The following ANKS1B variants were observed in gnomAD, a reference collection of about 807,000 sequenced individuals.
The protein encoded by ANKS1B is ankyrin repeat and sterile alpha motif domain-containing protein 1B.
A neutral mutation model predicts 148.3 loss-of-function variants in ANKS1B; 36 were observed. That is an observed-to-expected ratio of 0.24 (90% CI 0.19 to 0.32). ANKS1B has a LOEUF of 0.32. ANKS1B is among the 10% of genes least tolerant of loss of function. The probability of loss-of-function intolerance (pLI) is 1.00; values close to 1 mark genes in which losing one functional copy is unlikely to be tolerated. For synonymous variants in ANKS1B, 542 were observed against 560.8 expected, an observed-to-expected ratio of 0.97 and a Z score of 0.47; for missense variants, 1,157 against 1,542.6, an observed-to-expected ratio of 0.75 and a Z score of 4.19.
intron 15 of ANKS1B, chr12:99,097,029 A>T (rs1013460719): frequency 2.0e-5 from 3 of 152,198 alleles, no homozygotes; most frequent in Non-Finnish European, 4.4e-5. Flanking sequence ...ACTTCTTGGG[A>T]GAAAGGATCA....
chr12:99,203,265 T>C (rs1326165440), intron 14 of ANKS1B, among the ~76,000 whole-genome samples: 1 of 152,152 alleles, frequency 6.6e-6, no homozygotes, highest in Non-Finnish European at 1.5e-5. Flanking sequence ...TTGCGTTGCA[T>C]GGTTCCAACA....
chr12:99,347,476 T>A (rs984877364), intron 12 of ANKS1B, among the ~76,000 whole-genome samples: 3 of 151,830 alleles, frequency 2.0e-5, no homozygotes, highest in African/African-American at 7.3e-5. Context: ...GAAGGCAGAG[T>A]TGTAAACTGC....
At chr12:98,960,303 C>A (rs900535437) in intron 17 of ANKS1B, among the ~76,000 whole-genome samples, 3 of 151,766 alleles carry the variant, frequency 2.0e-5, no homozygotes, top group Non-Finnish European at 4.4e-5. Context: ...GAGAGAGATG[C>A]CATTTGTTTG....
intron 16 of ANKS1B, among the ~76,000 whole-genome samples, chr12:99,070,253 T>C (rs1599396723): frequency 6.6e-6 from 1 of 151,998 alleles, no homozygotes; most frequent in East Asian, 1.9e-4. Context: ...AAAGGATAGG[T>C]GGAAGGACTA....
chr12:99,231,876 A>G (rs1208343272), intron 14 of ANKS1B, among the ~76,000 whole-genome samples: 1 of 152,080 alleles, frequency 6.6e-6, no homozygotes, highest in South Asian at 2.1e-4. Context: ...GGAGAAAGGG[A>G]CATATTTAGG....
chr12:99,081,430 G>A (rs940808670), intron 16 of ANKS1B, among the ~76,000 whole-genome samples: 4 of 152,236 alleles, frequency 2.6e-5, no homozygotes, highest in East Asian at 1.9e-4. Flanking sequence ...CATTTTGTCC[G>A]TTTTCTGGCA....
At chr12:99,430,193 A>G (rs1439176176) in intron 11 of ANKS1B, among the ~76,000 whole-genome samples, 1 of 152,196 alleles carries the variant, frequency 6.6e-6, no homozygotes, top group African/African-American at 2.4e-5. Context: ...TAGAAGATAA[A>G]TTAGAAGTAG....
chr12:98,999,132 A>C (rs2153354587), intron 17 of ANKS1B, among the ~76,000 whole-genome samples: 1 of 152,336 alleles, frequency 6.6e-6, no homozygotes, highest in Non-Finnish European at 1.5e-5. Context: ...AGAGTTAAAC[A>C]TTTGGCTGCT....
chr12:99,882,258 C>T (rs34150758), intron 1 of ANKS1B, among the ~76,000 whole-genome samples: 25,792 of 152,058 alleles, frequency 0.17, 2,731 homozygotes, highest in Non-Finnish European at 0.24. Context: ...TAAATAAGAG[C>T]CTCAGGACCT....
intron 8 of ANKS1B, among the ~76,000 whole-genome samples, chr12:99,730,448 C>T (rs184821437): frequency 9.9e-5 from 15 of 152,264 alleles, no homozygotes; most frequent in Non-Finnish European, 2.1e-4. Context: ...TAGCCTCCAA[C>T]TTTTTTGGCT....
chr12:99,393,737 T>C (rs1014777923), intron 12 of ANKS1B, among the ~76,000 whole-genome samples: 1 of 152,192 alleles, frequency 6.6e-6, no homozygotes, highest in Non-Finnish European at 1.5e-5. Flanking sequence ...TCTTCTTTAA[T>C]ACCTTGACTC....
chr12:99,267,737 C>T (rs759207251), intron 12 of ANKS1B, among the ~76,000 whole-genome samples: 10 of 152,146 alleles, frequency 6.6e-5, no homozygotes, highest in Non-Finnish European at 1.2e-4. Flanking sequence ...TTGTGAGCTT[C>T]AGAGGAAGAC....
intron 24 of ANKS1B, 62 bp downstream of exon 24, chr12:98,781,055 T>G: frequency 1.9e-6 from 2 of 1,071,682 alleles, no homozygotes; most frequent in African/African-American, 1.6e-5. Flanking sequence ...AAGCAAAGGA[T>G]TTTAGATCAT....
chr12:99,328,508 A>G (rs531974995), intron 12 of ANKS1B, among the ~76,000 whole-genome samples: 1 of 152,122 alleles, frequency 6.6e-6, no homozygotes, highest in Admixed American at 6.6e-5. Context: ...TGGAGTACAC[A>G]GAAGGTTCTT....
rs146444288 is a variant in ANKS1B at position 99,845,690 on chromosome 12, G to T, written c.135-20301C>A. On this transcript the variant is annotated intron_variant, in intron 1 of 26. Coordinates refer to ENST00000683438, the MANE Select transcript of ANKS1B (RefSeq NM_001352186.2). Reference sequence around the variant, plus strand: ...TATTGGCCTGAAGTTTTCTTTTTTTGTTGTATCTCTGCCAGGTTTTGGTAT... The same window carrying T: ...TATTGGCCTGAAGTTTTCTTTTTTTTTTGTATCTCTGCCAGGTTTTGGTAT... Among the ~76,000 whole-genome samples, 251 of 152,114 alleles carry T rather than the reference G, an allele frequency of 1.7e-3. 8 individuals are homozygous for T. The East Asian group carries it at 0.042, about 25-fold the overall frequency.
chr12:98,798,496 A>AT (rs1201166856), intron 22 of ANKS1B, among the ~76,000 whole-genome samples: 9 of 152,080 alleles, frequency 5.9e-5, no homozygotes, highest in Admixed American at 1.3e-4. Flanking sequence ...AAAAATAAAA[A>AT]AAAAAAACTG....
chr12:98,824,662 C>T (rs765725431), intron 19 of ANKS1B, among the ~76,000 whole-genome samples: 2 of 152,130 alleles, frequency 1.3e-5, no homozygotes, highest in African/African-American at 4.8e-5. Flanking sequence ...GAATTCCAAC[C>T]GAAGAAGCCA....
chr12:99,374,845 T>A (rs2093322719), intron 12 of ANKS1B, among the ~76,000 whole-genome samples: 1 of 152,232 alleles, frequency 6.6e-6, no homozygotes, highest in Non-Finnish European at 1.5e-5. Flanking sequence ...TATTTTATTT[T>A]TTTACCTAAG....
chr12:99,047,666 G>A (rs1178305234), intron 17 of ANKS1B, among the ~76,000 whole-genome samples: 1 of 152,156 alleles, frequency 6.6e-6, no homozygotes, highest in Non-Finnish European at 1.5e-5. Flanking sequence ...GCAGAAGAGA[G>A]GCTGGTGGAG....
Sources: gnomAD v4.1 joint callset for allele counts (sites outside exome capture counted in the v4.1 genomes callset) on GRCh38, gnomAD v4.1.1 for gene constraint, MANE v1.5 for transcripts, NCBI Gene and HGNC (gene_info 2026-07-23, HGNC 2026-07-21) for gene names.